Variants in RBFOX3 observed in about 807,000 individuals in gnomAD.
RBFOX3 encodes RNA binding fox-1 homolog 3, also known as RNA binding protein fox-1 homolog 3.
Under a neutral mutation model 48.7 loss-of-function variants are expected in RBFOX3, and 17 were observed. That is an observed-to-expected ratio of 0.35 (90% CI 0.24 to 0.52). The LOEUF is 0.52. Among genes scored for constraint, RBFOX3 ranks in the 20% least tolerant of loss-of-function variants. RBFOX3 has a pLI of 0.94. For missense variants in RBFOX3, 382 were observed against 497.5 expected, an observed-to-expected ratio of 0.77 and a Z score of 2.21; for synonymous variants, 212 against 209.5, an observed-to-expected ratio of 1.01 and a Z score of -0.10.
chr17:79,184,786 TG>T (rs2053059450), intron 4 of RBFOX3, among the ~76,000 whole-genome samples: 1 of 151,514 alleles, frequency 6.6e-6, no homozygotes, highest in Admixed American at 6.6e-5. Context: ...GAGGCAGGCC[TG>T]GGGCCGCCTG....
chr17:79,627,364 C>G, the RBFOX3 span, among the ~76,000 whole-genome samples: 3 of 152,208 alleles, frequency 2.0e-5, no homozygotes, highest in Non-Finnish European at 4.4e-5. Context: ...AACACAGCCT[C>G]CCCGGTGAAG....
intron 2 of RBFOX3, among the ~76,000 whole-genome samples, chr17:79,356,160 G>T (rs1054488796): frequency 6.6e-6 from 1 of 152,096 alleles, no homozygotes; most frequent in South Asian, 2.1e-4. Flanking sequence ...AGCTGACGTC[G>T]GTCCTGCCTG....
In RBFOX3 at chr17:79,479,717, T is replaced by C. The variant is rs770142161; in HGVS notation, c.-175+2737A>G. ...TTGATGACCCCGAGGATTTACCTAT[T>C]TGGGGGACACAGGTTCTCAGACCCA... On this transcript the variant is annotated intron_variant, in intron 2 of 14. Coordinates refer to ENST00000693108, the MANE Select transcript of RBFOX3 (RefSeq NM_001350451.2). The surrounding 1 kb of genome is among the most constrained non-coding windows in gnomAD (Gnocchi z 5.1). 3.3e-3 allele frequency among the ~76,000 whole-genome samples: 509 copies of C among 152,296 alleles called. 1 individual carries two copies. The highest frequency in any genetic ancestry group is 3.9e-3 in the Admixed American group (60 of 15,308).
intron 2 of RBFOX3, among the ~76,000 whole-genome samples, chr17:79,325,174 G>A (rs1344394916): frequency 1.3e-5 from 2 of 152,226 alleles, no homozygotes; most frequent in Admixed American, 6.5e-5. Context: ...AGCAGACGGA[G>A]GAAACTGAGC....
chr17:79,552,233 A>G (rs1212727668), intron 1 of RBFOX3, among the ~76,000 whole-genome samples: 19 of 152,242 alleles, frequency 1.2e-4, no homozygotes, highest in Non-Finnish European at 1.5e-4. Context: ...TAATTTAAAC[A>G]AATTAATGTA....
the RBFOX3 span, among the ~76,000 whole-genome samples, chr17:79,653,599 G>A: frequency 2.6e-5 from 4 of 152,126 alleles, no homozygotes; most frequent in Non-Finnish European, 5.9e-5. Context: ...ATAATGAATC[G>A]ATAGCTTCGA....
At chr17:79,226,678 T>G (rs954871467) in intron 4 of RBFOX3, among the ~76,000 whole-genome samples, 2 of 152,242 alleles carry the variant, frequency 1.3e-5, no homozygotes, top group Non-Finnish European at 2.9e-5. Flanking sequence ...TTTCTGAGCC[T>G]CTGTTCCCTT....
chr17:79,347,171 T>C (rs1408140489), intron 2 of RBFOX3, among the ~76,000 whole-genome samples: 1 of 152,226 alleles, frequency 6.6e-6, no homozygotes, highest in East Asian at 1.9e-4. Flanking sequence ...AATATATCAC[T>C]CCATTGTCTT....
intron 4 of RBFOX3, among the ~76,000 whole-genome samples, chr17:79,208,952 A>G (rs912542255): frequency 1.3e-5 from 2 of 152,018 alleles, no homozygotes; most frequent in African/African-American, 4.8e-5. Flanking sequence ...AGTAGCTGGG[A>G]CTACAGGCAC....
At chr17:79,582,294 A>G (rs2093096290) in intron 1 of RBFOX3, among the ~76,000 whole-genome samples, 1 of 151,534 alleles carries the variant, frequency 6.6e-6, no homozygotes, top group Non-Finnish European at 1.5e-5. Context: ...ATCTGTGTGC[A>G]TGCATGTGCC....
intron 5 of RBFOX3, among the ~76,000 whole-genome samples, chr17:79,112,904 C>CGGGGGGGGGGGGGG (rs1271126513): frequency 9.6e-5 from 1 of 10,368 alleles, no homozygotes; most frequent in Non-Finnish European, 2.0e-4. Context: ...AGCAGGCTCT[C>CGGGGGGGGGGGGGG]GGGGGGGGGG....
chr17:79,220,557 G>A lies in RBFOX3; in HGVS notation c.-34+15209C>T, dbSNP rs1250884119. Among the ~76,000 whole-genome samples, 5 of 151,986 alleles carry A rather than the reference G, an allele frequency of 3.3e-5. No individual in the cohort carries two copies. Among genetic ancestry groups the A allele is most frequent in the Admixed American group, 6.6e-5 (1 of 15,262 alleles). On this transcript the variant is annotated intron_variant, in intron 4 of 14. Transcript: ENST00000693108. The surrounding 1 kb of genome is among the most constrained non-coding windows in gnomAD (Gnocchi z 5.9). ...TCTCTGTTCAGAGTTGAACTACAGC[G>A]TCCTGATTCCAGCGCTCATCAAGCA...
At chr17:79,211,240 T>G (rs2058341530) in intron 4 of RBFOX3, among the ~76,000 whole-genome samples, 1 of 152,186 alleles carries the variant, frequency 6.6e-6, no homozygotes, top group South Asian at 2.1e-4. Context: ...GGCTGTGGCT[T>G]CCGTCGTGGG....
intron 2 of RBFOX3, among the ~76,000 whole-genome samples, chr17:79,373,716 C>T (rs768750961): frequency 2.6e-5 from 4 of 152,102 alleles, no homozygotes; most frequent in South Asian, 2.1e-4. Flanking sequence ...CCTCAACCCC[C>T]GAGCAGGAGC....
In RBFOX3 at chr17:79,362,337, G is replaced by GGCCA. The variant is rs2086523810; in HGVS notation, c.-174-54517_-174-54514dup. The stretch of plus-strand genomic sequence containing the variant: ...CCTTCAGGGCTTGGCTGAGATCCCC[G>GGCCA]GCCAGCGTCTGCGTAGGACGGTGGG... On this transcript the variant is annotated intron_variant, in intron 2 of 14. Coordinates refer to ENST00000693108, the MANE Select transcript of RBFOX3 (RefSeq NM_001350451.2). This position sits in a 1 kb window ranked among gnomAD's most constrained non-coding sequence, Gnocchi z 4.2. Among the ~76,000 whole-genome samples the GGCCA allele has an allele frequency of 6.6e-6, 1 of 152,220 alleles. No individual in the cohort carries two copies. Among genetic ancestry groups the GGCCA allele is most frequent in the South Asian group, 2.1e-4 (1 of 4,832 alleles).
At chr17:79,617,103 C>A in the RBFOX3 span, among the ~76,000 whole-genome samples, 1 of 152,196 alleles carries the variant, frequency 6.6e-6, no homozygotes, top group Non-Finnish European at 1.5e-5. Context: ...CAGATGGTGG[C>A]ACAGTTTCAC....
intron 2 of RBFOX3, among the ~76,000 whole-genome samples, chr17:79,395,530 AG>A (rs1170637807): frequency 6.6e-6 from 1 of 152,236 alleles, no homozygotes; most frequent in Non-Finnish European, 1.5e-5. Flanking sequence ...ACACAAGCCA[AG>A]AGCTCTGGGC....
intron 2 of RBFOX3, among the ~76,000 whole-genome samples, chr17:79,378,197 C>T (rs1053617272): frequency 3.3e-5 from 5 of 151,986 alleles, no homozygotes; most frequent in African/African-American, 9.7e-5. Context: ...ACCGAGCCTC[C>T]CCGTAGGGGC....
chr17:79,170,674 CCT>C (rs1372183825), intron 4 of RBFOX3, among the ~76,000 whole-genome samples: 2 of 152,166 alleles, frequency 1.3e-5, no homozygotes, highest in Non-Finnish European at 2.9e-5. Context: ...TGCCCATACC[CCT>C]GTTCCGGCCG....
Sources: allele counts gnomAD v4.1 joint callset (sites outside exome capture counted in the v4.1 genomes callset), GRCh38; gene constraint gnomAD v4.1.1; non-coding constraint Gnocchi (gnomAD v3.1); transcripts MANE v1.5; gene names NCBI Gene and HGNC (gene_info 2026-07-23, HGNC 2026-07-21).